The following RXRG variants were observed in gnomAD, a reference collection of about 807,000 sequenced individuals.
RXRG encodes the protein retinoid X receptor gamma, also known as retinoic acid receptor RXR-gamma.
Under a neutral mutation model 49.2 loss-of-function variants are expected in RXRG, and 19 were observed. That is an observed-to-expected ratio of 0.39 (90% CI 0.27 to 0.57). The LOEUF (loss-of-function observed/expected upper bound fraction) is 0.57, where lower values mean the gene tolerates loss of function less well. Ranked by LOEUF, RXRG falls within the 20% of genes least tolerant of loss-of-function variation. The probability of loss-of-function intolerance (pLI) is 0.64; values close to 1 mark genes in which losing one functional copy is unlikely to be tolerated. For missense variants in RXRG, 452 were observed against 592.5 expected (o/e 0.76, Z 2.46); for synonymous variants, 224 against 216.6 (o/e 1.03, Z -0.30).
chr1:165,418,941 T>C (rs1658221647), intron 3 of RXRG, among the ~76,000 whole-genome samples: 3 of 152,246 alleles, frequency 2.0e-5, no homozygotes, highest in Admixed American at 6.5e-5. Context: ...GAACTTTCAA[T>C]GGAGTGACAT....
chr1:165,402,949 A>ATGTG (rs1434864076), intron 9 of RXRG, among the ~76,000 whole-genome samples: 1 of 151,914 alleles, frequency 6.6e-6, no homozygotes, highest in Non-Finnish European at 1.5e-5. Flanking sequence ...TCTTACACAC[A>ATGTG]CGTGCATGCA....
chr1:165,444,746 C>A, intron 1 of RXRG, 99 bp downstream of exon 1: 1 of 1,057,508 alleles, frequency 9.5e-7, no homozygotes. Context: ...CATATATGTT[C>A]TCCTTTTAAT....
intron 2 of RXRG, 93 bp from the exon 3 acceptor site, chr1:165,420,107 G>A (rs1284270434): frequency 2.9e-6 from 3 of 1,031,810 alleles, no homozygotes; most frequent in Non-Finnish European, 3.9e-6. Flanking sequence ...GAAAAAACAA[G>A]TTCTATTTCA....
At chr1:165,426,343 T>C (rs1658485657) in intron 2 of RXRG, among the ~76,000 whole-genome samples, 1 of 152,222 alleles carries the variant, frequency 6.6e-6, no homozygotes, top group African/African-American at 2.4e-5. Context: ...TGAACAGCTT[T>C]GAGGGAGCAG....
chr1:165,414,556 A>G (rs10800097), intron 4 of RXRG, among the ~76,000 whole-genome samples: 67,850 of 152,116 alleles, frequency 0.45, 17,032 homozygotes, highest in African/African-American at 0.68. Context: ...GTGCTTAATG[A>G]AAACTGTTAC....
At position 165,408,016 on chromosome 1, in the gene RXRG, C is replaced by T. The variant is rs546722629; in HGVS notation, c.1138+211G>A. ...GCCACCCTGGGCCACCGTCATCTTT[C>T]ATCTTCCCCACTTGCCCCAGACACG... On this transcript the variant is annotated intron_variant, in intron 8 of 9. Transcript: ENST00000359842. 3.9e-5 allele frequency among the ~76,000 whole-genome samples: 6 copies of T among 152,294 alleles called. No individual in the cohort carries two copies. In the East Asian group the frequency reaches 1.2e-3, roughly 29 times the overall value.
intron 1 of RXRG, among the ~76,000 whole-genome samples, chr1:165,444,407 A>G (rs100537): frequency 0.59 from 90,510 of 152,132 alleles, 27,601 homozygotes; most frequent in East Asian, 0.72. Flanking sequence ...AAAGTATCCC[A>G]GGAACCCTCA....
intron 8 of RXRG, among the ~76,000 whole-genome samples, chr1:165,407,622 A>G (rs959503106): frequency 2.6e-5 from 4 of 152,210 alleles, no homozygotes; most frequent in Admixed American, 2.0e-4. Flanking sequence ...ACACAGGCAG[A>G]GGCTGACAGC....
chr1:165,410,155 C>G (rs1194466392), intron 6 of RXRG, among the ~76,000 whole-genome samples: 3 of 152,182 alleles, frequency 2.0e-5, no homozygotes, highest in Admixed American at 6.6e-5. Context: ...TGCTCATTAT[C>G]TAACAGGGAT....
chr1:165,408,092 T>C, intron 8 of RXRG, 135 bp downstream of exon 8: 1 of 716,998 alleles, frequency 1.4e-6, no homozygotes, highest in Non-Finnish European at 2.5e-6. Context: ...TAGCTGACAC[T>C]GTGAGCTCTC....
rs770751855 is a variant in RXRG, at chr1:165,410,775, G to A, written c.840C>T (p.Leu280=). 13 of 1,614,016 alleles carry A rather than the reference G, an allele frequency of 8.1e-6. No individual in the cohort carries two copies. The highest frequency in any genetic ancestry group is 1.7e-5 in the Admixed American group (1 of 60,006). The change falls in exon 6 of 10, where the codon CTC becomes CTT. Residue 280 remains leucine (L), a synonymous_variant. Coordinates refer to ENST00000359842, the MANE Select transcript of RXRG (RefSeq NM_006917.5). ...GGGGAATACGCTTGGCCCATTCAAC[G>A]AGGGTGAAAAGCTGCTTGTCAGCAG... The part of the protein sequence containing the change: ...CHAADKQLFT[L]VEWAKRIPHF...
At chr1:165,402,384 C>A (rs1657607746) in intron 9 of RXRG, among the ~76,000 whole-genome samples, 2 of 152,322 alleles carry the variant, frequency 1.3e-5, no homozygotes, top group Middle Eastern at 3.4e-3. Flanking sequence ...CCGCACCCGG[C>A]CAATTGTTAC....
intron 2 of RXRG, among the ~76,000 whole-genome samples, chr1:165,425,642 G>A (rs549496595): frequency 1.3e-5 from 2 of 152,282 alleles, no homozygotes; most frequent in East Asian, 3.9e-4. Flanking sequence ...GGTATCAATG[G>A]CCTTGCTGAT....
intron 2 of RXRG, among the ~76,000 whole-genome samples, chr1:165,428,108 A>G (rs1658547818): frequency 1.3e-5 from 2 of 152,130 alleles, no homozygotes; most frequent in African/African-American, 2.4e-5. Context: ...TGGCCATCCT[A>G]TAGGCTCTGC....
chr1:165,420,401 AG>A, intron 2 of RXRG, among the ~76,000 whole-genome samples: 1 of 152,332 alleles, frequency 6.6e-6, no homozygotes, highest in South Asian at 2.1e-4. Context: ...GTGCTGCAAG[AG>A]GAACTACGAC....
chr1:165,428,439 G>A (rs945235215), intron 2 of RXRG, among the ~76,000 whole-genome samples: 2 of 152,244 alleles, frequency 1.3e-5, no homozygotes, highest in African/African-American at 4.8e-5. Flanking sequence ...TCTGCTGAGA[G>A]ATGTTGAAAT....
chr1:165,409,465 G>C, intron 7 of RXRG, 93 bp downstream of exon 7: 1 of 1,253,418 alleles, frequency 8.0e-7, no homozygotes, highest in Non-Finnish European at 1.0e-6. Flanking sequence ...ATGCCCACGT[G>C]AGAATTCATG....
intron 1 of RXRG, among the ~76,000 whole-genome samples, 191 bp from the exon 2 acceptor site, chr1:165,429,157 G>A (rs1010864517): frequency 1.3e-5 from 2 of 152,166 alleles, no homozygotes; most frequent in African/African-American, 4.8e-5. Context: ...GACACAGAGG[G>A]GAGAGGGCCT....
rs972854057 is a variant in RXRG at position 165,406,847 on chromosome 1, G to A, written c.1209C>T (p.Ala403=). 3 of 1,613,772 alleles carry A rather than the reference G, an allele frequency of 1.9e-6. No individual in the cohort carries two copies. The highest frequency in any genetic ancestry group is 2.5e-6 in the Non-Finnish European group (3 of 1,179,932). ...LREKVYATLE[A]YTKQKYPEQP... ...GTTCCGGATACTTCTGCTTGGTGTA[G>A]GCCTCAAGGGTGGCATAAACCTTCT... The change falls in exon 9 of 10, where the codon GCC becomes GCT. Residue 403 remains alanine, a synonymous_variant. Transcript: ENST00000359842.
Sources: allele counts gnomAD v4.1 joint callset (sites outside exome capture counted in the v4.1 genomes callset), GRCh38; gene constraint gnomAD v4.1.1; transcripts MANE v1.5; gene names NCBI Gene and HGNC (gene_info 2026-07-23, HGNC 2026-07-21).